ZNF268: variants seen among roughly 807,000 people sequenced by gnomAD.
The protein encoded by ZNF268 is zinc finger protein 268, also known as zinc finger protein 3.
A neutral mutation model predicts 29.3 loss-of-function variants in ZNF268; 20 were observed. The ratio of observed to expected loss-of-function variants is 0.68; its 90% CI spans 0.48 to 0.99. ZNF268 has a LOEUF of 0.99. Among genes scored for constraint, ZNF268 ranks in the 50% least tolerant of loss-of-function variants. The pLI is 0.00. For synonymous variants in ZNF268, 429 were observed against 376.9 expected (o/e 1.14, Z -1.60); for missense variants, 1,240 against 1,121.6 (o/e 1.11, Z -1.51).
chr12:133,202,146 A>C lies in ZNF268; in HGVS notation c.460A>C (p.Thr154Pro), dbSNP rs1956766385. The change falls in exon 6 of 6, where the codon ACA (threonine) becomes CCA (proline). Residue 154 changes from threonine (T) to proline (P), a missense_variant and splice_region_variant. Around this residue, in one of 3 missense-constraint regions of ZNF268, gnomAD observed 1,177 missense variants for 1,039.6 expected, o/e 1.13. Transcript: ENST00000536435. ...AQVPNQTCPN[T>P]VWKIDDLMDW... ...TGACCAATTGTTCTCATTTCTAGAC[A>C]CAGTCTGGAAAATTGATGATCTTAT... is the stretch of plus-strand genomic sequence containing the variant. 1 of 1,572,838 alleles carries C rather than the reference A, an allele frequency of 6.4e-7. No homozygotes were observed. The highest frequency in any genetic ancestry group is 8.6e-7 in the Non-Finnish European group (1 of 1,160,328).
At chr12:133,196,533 C>T (rs1248811220) in intron 5 of ZNF268, among the ~76,000 whole-genome samples, 1 of 151,988 alleles carries the variant, frequency 6.6e-6, no homozygotes, top group African/African-American at 2.4e-5. Flanking sequence ...GGGTGTGTTA[C>T]CAGCACCAGA....
At chr12:133,201,369 T>G (rs1956748321) in intron 5 of ZNF268, among the ~76,000 whole-genome samples, 1 of 152,046 alleles carries the variant, frequency 6.6e-6, no homozygotes. Context: ...TTCTATATCC[T>G]CTGTCATTTC....
chr12:133,182,116 C>T, intron 2 of ZNF268, 86 bp downstream of exon 2: 1 of 1,382,888 alleles, frequency 7.2e-7, no homozygotes, highest in Non-Finnish European at 9.9e-7. Context: ...CTGAATTTGC[C>T]AGGAGCTTTC....
rs1337853718 is a variant in ZNF268 at position 133,202,524 on chromosome 12, T to A, written c.838T>A (p.Cys280Ser). The A allele has an allele frequency of 1.2e-6, 2 of 1,612,240 alleles. No homozygotes were observed. The highest frequency in any genetic ancestry group is 1.7e-6 in the Non-Finnish European group (2 of 1,179,098). Residue 280 changes from cysteine (C) to serine (S), a missense_variant, in exon 6 of 6, where the codon TGT (cysteine) becomes AGT (serine). By Grantham distance (112) the Cys-to-Ser change is moderately radical (BLOSUM62 -1). Coordinates refer to ENST00000536435, the MANE Select transcript of ZNF268 (RefSeq NM_003415.3). ...GGGCGAAAAACCCTTTGGATGCAGC[T>A]GTTGTGAGAAAGCCTTCAGCAGCAA... ...YMGEKPFGCSCCEKAFSSKSY... is the reference protein window; with the variant it reads ...YMGEKPFGCSSCEKAFSSKSY...
intron 3 of ZNF268, 128 bp from the exon 4 acceptor site, chr12:133,191,361 T>C: frequency 2.9e-6 from 3 of 1,018,264 alleles, no homozygotes; most frequent in South Asian, 3.2e-5. Flanking sequence ...TTAATGCACA[T>C]TGATGGATGT....
chr12:133,191,804 G>T, intron 4 of ZNF268, 104 bp from the exon 5 acceptor site: 1 of 1,485,354 alleles, frequency 6.7e-7, no homozygotes, highest in South Asian at 1.1e-5. Context: ...ATTGCAAAAA[G>T]GCAGCTTCAT....
chr12:133,189,229 T>G (rs1393969727), intron 3 of ZNF268, among the ~76,000 whole-genome samples: 1 of 150,892 alleles, frequency 6.6e-6, no homozygotes, highest in Admixed American at 6.6e-5. Context: ...TTTTTTTTTT[T>G]TTTGAGATGG....
intron 3 of ZNF268, among the ~76,000 whole-genome samples, chr12:133,189,378 C>A (rs1358175765): frequency 6.6e-6 from 1 of 151,924 alleles, no homozygotes; most frequent in Non-Finnish European, 1.5e-5. Flanking sequence ...CCATACCCGG[C>A]TAATTTTTGT....
At chr12:133,182,518 A>G (rs1956202756) in intron 2 of ZNF268, among the ~76,000 whole-genome samples, 1 of 152,186 alleles carries the variant, frequency 6.6e-6, no homozygotes, top group Non-Finnish European at 1.5e-5. Flanking sequence ...GACAATGACA[A>G]GTTAATGAGT....
chr12:133,183,519 G>A (rs888477620), intron 2 of ZNF268, among the ~76,000 whole-genome samples: 19 of 151,850 alleles, frequency 1.3e-4, no homozygotes, highest in African/African-American at 4.4e-4. Flanking sequence ...AAAAGGAGAG[G>A]AGGTAAAGAG....
At position 133,202,771 on chromosome 12, in the gene ZNF268, G is replaced by A. The variant is rs772341195; in HGVS notation, c.1085G>A (p.Cys362Tyr). 1.2e-6 allele frequency: 2 copies of A among 1,610,954 alleles called. No individual in the cohort carries two copies. Among genetic ancestry groups the A allele is most frequent in the South Asian group, 2.2e-5 (2 of 90,886 alleles). ...CACACAGGTGAGAATCCCTATGAGT[G>A]CTGTGAATGTGGGAAAGTCTTCAGT... ...RIHTGENPYE[C>Y]CECGKVFSRK... The change falls in exon 6 of 6, where the codon TGC becomes TAC. Residue 362 changes from cysteine (C) to tyrosine (Y), a missense_variant. This residue lies in a region of ZNF268 where 1,177 missense variants were observed against 1,039.6 expected (regional missense o/e 1.13). Transcript: ENST00000536435.
rs760252964 is a variant in ZNF268 at position 133,203,051 on chromosome 12, C to T, written c.1365C>T (p.Phe455=). 5.8e-6 allele frequency: 9 copies of T among 1,538,888 alleles called. No individual in the cohort carries two copies. Among genetic ancestry groups the T allele is most frequent in the South Asian group, 2.4e-5 (2 of 84,140 alleles). ...GTGATTGTGGAAAAGCCTTTACATT[C>T]AAGTCACAGCTCATTGTACATCAGG... The part of the protein sequence containing the change: ...VCSDCGKAFT[F]KSQLIVHQGI... The change falls in exon 6 of 6, where the codon TTC becomes TTT. Residue 455 remains phenylalanine, a synonymous_variant. Coordinates refer to ENST00000536435, the MANE Select transcript of ZNF268 (RefSeq NM_003415.3).
In ZNF268 at chr12:133,212,555, A is replaced by G. The variant is rs372821925; in HGVS notation, c.*8025A>G. 18 of 149,334 alleles carry G rather than the reference A, an allele frequency of 1.2e-4. No homozygotes were observed. In the East Asian group the frequency reaches 3.5e-3, roughly 29 times the overall value. 9.3% of individuals were successfully genotyped at this position (149,334 alleles called of 1,614,324 possible). ...TACACATATATATACACATATACAC[A>G]TATATATACACATATATATAATAAG... On this transcript the variant is annotated 3_prime_UTR_variant, in exon 6 of 6. Coordinates refer to ENST00000536435, the MANE Select transcript of ZNF268 (RefSeq NM_003415.3).
rs1344744706 is a variant in ZNF268, at chr12:133,203,038, A to G, written c.1352A>G (p.Lys451Arg). 2 of 1,541,184 alleles carry G rather than the reference A, an allele frequency of 1.3e-6. No individual in the cohort carries two copies. The highest frequency in any genetic ancestry group is 3.9e-5 in the Admixed American group (2 of 51,152). ...EKPYVCSDCGKAFTFKSQLIV... is the reference protein window; with the variant it reads ...EKPYVCSDCGRAFTFKSQLIV... ...CCTTATGTTTGTAGTGATTGTGGAA[A>G]AGCCTTTACATTCAAGTCACAGCTC... Residue 451 changes from lysine (K) to arginine (R), a missense_variant, in exon 6 of 6, where the codon AAA becomes AGA. This residue lies in a region of ZNF268 where 1,177 missense variants were observed against 1,039.6 expected (regional missense o/e 1.13). Transcript: ENST00000536435.
chr12:133,211,056 G>A lies in ZNF268; in HGVS notation c.*6526G>A. 1 of 455,856 alleles carries A rather than the reference G, an allele frequency of 2.2e-6. No individual in the cohort carries two copies. Among genetic ancestry groups the A allele is most frequent in the Non-Finnish European group, 4.4e-6 (1 of 226,718 alleles). The allele number at this position is 455,856 out of a possible 1,614,324, so 28.2% of individuals were successfully genotyped here. A position where few individuals can be genotyped will look rare whatever the true frequency, so the allele number is the denominator to read the frequency against. ...AGTCCATCATTCCATGCCTTAATTG[G>A]AATGGATAGAGATAATAAAAGGCAA... is the stretch of plus-strand genomic sequence containing the variant. On this transcript the variant is annotated 3_prime_UTR_variant, in exon 6 of 6. Coordinates refer to ENST00000536435, the MANE Select transcript of ZNF268 (RefSeq NM_003415.3).
chr12:133,206,107 A>C lies in ZNF268; in HGVS notation c.*1577A>C, dbSNP rs575163686. On this transcript the variant is annotated 3_prime_UTR_variant, in exon 6 of 6. Coordinates refer to ENST00000536435, the MANE Select transcript of ZNF268 (RefSeq NM_003415.3). Reference sequence around the variant, plus strand: ...GCATTAGCCATTGTGTATCTTTTGCATACAGCTTACTAAATCAGATGGCTT... The same window carrying C: ...GCATTAGCCATTGTGTATCTTTTGCCTACAGCTTACTAAATCAGATGGCTT... 10 of 152,200 alleles carry C rather than the reference A, an allele frequency of 6.6e-5. No individual in the cohort carries two copies. Among genetic ancestry groups the C allele is most frequent in the Admixed American group, 3.3e-4 (5 of 15,278 alleles). The allele number at this position is 152,200 out of a possible 1,614,324, so 9.4% of individuals were successfully genotyped here.
intron 3 of ZNF268, among the ~76,000 whole-genome samples, chr12:133,189,324 C>T (rs933231549): frequency 1.3e-5 from 2 of 151,088 alleles, no homozygotes. Context: ...AAGCAGTTCT[C>T]CTACCTCAGC....
At chr12:133,201,931 T>C (rs1039413769) in intron 5 of ZNF268, among the ~76,000 whole-genome samples, 2 of 152,064 alleles carry the variant, frequency 1.3e-5, no homozygotes, top group Non-Finnish European at 2.9e-5. Context: ...TACCCAGTAG[T>C]TTGAGTGTTT....
At position 133,182,040 on chromosome 12, in the gene ZNF268, G is replaced by C. The variant is rs1032944475; in HGVS notation, c.33+10G>C. 18 of 1,558,036 alleles carry C rather than the reference G, an allele frequency of 1.2e-5. No individual in the cohort carries two copies. In the African/African-American group the frequency reaches 2.5e-4, roughly 21 times the overall value. ...GACAGCTTCTATTTGGGTGAGTAGG[G>C]GTTTTCTTTCATTCTTGAAAAGCTC... On this transcript the variant is annotated intron_variant, in intron 2 of 5. Transcript: ENST00000536435.
Sources: allele counts gnomAD v4.1 joint callset (sites outside exome capture counted in the v4.1 genomes callset), GRCh38; gene constraint gnomAD v4.1.1; regional missense constraint gnomAD v4.1.1; transcripts MANE v1.5; gene names NCBI Gene and HGNC (gene_info 2026-07-23, HGNC 2026-07-21).